The following SDCCAG8 variants were observed in gnomAD, a reference collection of about 807,000 sequenced individuals.
SDCCAG8 encodes serologically defined colon cancer antigen 8.
Under a neutral mutation model 101.8 loss-of-function variants are expected in SDCCAG8, and 74 were observed. The observed-to-expected ratio is 0.73, with a 90% CI of 0.60 to 0.88. The LOEUF is 0.88. Among genes scored for constraint, SDCCAG8 ranks in the 40% least tolerant of loss-of-function variants. The pLI is 0.00. For synonymous variants in SDCCAG8, 281 were observed against 292.9 expected (o/e 0.96, Z 0.41); for missense variants, 787 against 822.6 (o/e 0.96, Z 0.53).
intron 5 of SDCCAG8, among the ~76,000 whole-genome samples, chr1:243,290,004 CT>C (rs1191484708): frequency 6.6e-6 from 1 of 152,096 alleles, no homozygotes; most frequent in Non-Finnish European, 1.5e-5. Context: ...TTTTTCATCA[CT>C]TTGCCTTCTC....
At chr1:243,355,660 C>T (rs897019959) in intron 12 of SDCCAG8, among the ~76,000 whole-genome samples, 7 of 149,076 alleles carry the variant, frequency 4.7e-5, no homozygotes, top group Non-Finnish European at 9.1e-5. Flanking sequence ...GGCTGGAGTG[C>T]GGTGGCACAA....
chr1:243,322,574 G>C (rs545839736), intron 9 of SDCCAG8, among the ~76,000 whole-genome samples: 1 of 152,090 alleles, frequency 6.6e-6, no homozygotes, highest in African/African-American at 2.4e-5. Flanking sequence ...CTGGTGTTAC[G>C]GAATTTCTCC....
In SDCCAG8 at chr1:243,415,776, A is replaced by G. The variant is rs762947754; in HGVS notation, c.1691A>G (p.Glu564Gly). The G allele has an allele frequency of 1.2e-5, 19 of 1,613,704 alleles. No homozygotes were observed. Among genetic ancestry groups the G allele is most frequent in the Non-Finnish European group, 1.5e-5 (18 of 1,179,806 alleles). ...KAQALQAQQR[E>G]QELTQKIQQM... The stretch of plus-strand genomic sequence containing the variant: ...CAAGCCCTTCAGGCCCAGCAAAGAG[A>G]GCAGGAGCTGACACAGAAGATACAG... The change falls in exon 14 of 18, where the codon GAG becomes GGG. Residue 564 changes from glutamate (E) to glycine (G), a missense_variant. By Grantham distance (98) the Glu-to-Gly change is moderately conservative. Coordinates refer to ENST00000366541, the MANE Select transcript of SDCCAG8 (RefSeq NM_006642.5).
chr1:243,284,640 C>CT (rs1455945606), intron 4 of SDCCAG8, among the ~76,000 whole-genome samples: 1 of 152,106 alleles, frequency 6.6e-6, no homozygotes, highest in African/African-American at 2.4e-5. Flanking sequence ...CTGGATTTCT[C>CT]TTTTTTTAGG....
chr1:243,335,472 G>A (rs1424862724), intron 10 of SDCCAG8, among the ~76,000 whole-genome samples: 1 of 152,132 alleles, frequency 6.6e-6, no homozygotes, highest in African/African-American at 2.4e-5. Flanking sequence ...GAAGTATGTT[G>A]ATGAGAATTC....
intron 9 of SDCCAG8, among the ~76,000 whole-genome samples, chr1:243,327,341 A>G (rs182477456): frequency 1.8e-4 from 27 of 146,720 alleles, no homozygotes; most frequent in African/African-American, 6.6e-4. Flanking sequence ...TTATAATTTT[A>G]TAGAAATTAA....
intron 16 of SDCCAG8, among the ~76,000 whole-genome samples, chr1:243,435,956 C>T (rs2082100963): frequency 6.6e-6 from 1 of 152,124 alleles, no homozygotes; most frequent in South Asian, 2.1e-4. Context: ...ATACCCCATA[C>T]ATGCATAGCC....
intron 4 of SDCCAG8, 71 bp downstream of exon 4, chr1:243,274,727 T>A: frequency 2.1e-6 from 2 of 934,272 alleles, no homozygotes; most frequent in South Asian, 1.4e-5. Context: ...GTATTAAAAT[T>A]TGCTGCTATA....
At chr1:243,494,484 T>C in intron 17 of SDCCAG8, among the ~76,000 whole-genome samples, 1 of 152,216 alleles carries the variant, frequency 6.6e-6, no homozygotes, top group East Asian at 1.9e-4. Context: ...GTGCTGCATG[T>C]CTAACATAAG....
At chr1:243,256,493 C>T (rs1220001182) in intron 1 of SDCCAG8, among the ~76,000 whole-genome samples, 2 of 152,220 alleles carry the variant, frequency 1.3e-5, no homozygotes, top group Admixed American at 6.5e-5. Context: ...CTTTCTCAAC[C>T]GGCGACAGCA....
intron 1 of SDCCAG8, among the ~76,000 whole-genome samples, chr1:243,261,449 T>C (rs1043259887): frequency 1.3e-5 from 2 of 152,226 alleles, no homozygotes; most frequent in African/African-American, 4.8e-5. Flanking sequence ...GGATGGGCCT[T>C]GTCTTTACGA....
intron 13 of SDCCAG8, among the ~76,000 whole-genome samples, chr1:243,391,937 G>A (rs2147945617): frequency 6.7e-6 from 1 of 148,194 alleles, no homozygotes; most frequent in East Asian, 1.9e-4. Context: ...CTGAAGTGTG[G>A]CTCACCAGGC....
chr1:243,393,668 CT>C (rs548289224), intron 13 of SDCCAG8, among the ~76,000 whole-genome samples: 31 of 152,204 alleles, frequency 2.0e-4, no homozygotes, highest in African/African-American at 6.0e-4. Flanking sequence ...TTCTGGCAAT[CT>C]AATGTATACA....
intron 6 of SDCCAG8, among the ~76,000 whole-genome samples, chr1:243,298,272 A>C (rs905493771): frequency 6.6e-6 from 1 of 151,214 alleles, no homozygotes; most frequent in African/African-American, 2.4e-5. Context: ...ACTAGTCTCG[A>C]ACTCCTGACC....
chr1:243,270,344 C>A, intron 2 of SDCCAG8, 87 bp downstream of exon 2: 2 of 1,207,548 alleles, frequency 1.7e-6, no homozygotes, highest in Non-Finnish European at 2.4e-6. Context: ...ATTCTTCATT[C>A]TGCTGCTATG....
At chr1:243,482,349 AC>A (rs1663909285) in intron 16 of SDCCAG8, among the ~76,000 whole-genome samples, 1 of 152,032 alleles carries the variant, frequency 6.6e-6, no homozygotes, top group African/African-American at 2.4e-5. Context: ...TGGGCCCAGC[AC>A]TCTTATGAGT....
intron 13 of SDCCAG8, among the ~76,000 whole-genome samples, chr1:243,380,599 A>G (rs1455511010): frequency 6.6e-6 from 1 of 152,170 alleles, no homozygotes; most frequent in Non-Finnish European, 1.5e-5. Flanking sequence ...GCATATTAAG[A>G]TGCAGCAACT....
chr1:243,275,370 T>A (rs1238593213), intron 4 of SDCCAG8, among the ~76,000 whole-genome samples: 1 of 152,148 alleles, frequency 6.6e-6, no homozygotes, highest in African/African-American at 2.4e-5. Flanking sequence ...ATCACTGATA[T>A]CTCTTGTATC....
Position 243,403,300 on chromosome 1 carries a change from T to A in SDCCAG8, c.1617-12402T>A, listed in dbSNP as rs573556081. On this transcript the variant is annotated intron_variant, in intron 13 of 17. Coordinates refer to ENST00000366541, the MANE Select transcript of SDCCAG8 (RefSeq NM_006642.5). ...CTGGCCAATGCTACCTCCCCCTGTG[T>A]AGCTTATGTCAGGAAATTGAGGAAA... 3.6e-4 allele frequency among the ~76,000 whole-genome samples: 55 copies of A among 152,304 alleles called. 1 individual carries two copies. The highest frequency in any genetic ancestry group is 1.3e-3 in the African/African-American group (52 of 41,568).
Sources: gnomAD v4.1 joint callset for allele counts (sites outside exome capture counted in the v4.1 genomes callset) on GRCh38, gnomAD v4.1.1 for gene constraint, MANE v1.5 for transcripts, NCBI Gene and HGNC (gene_info 2026-07-23, HGNC 2026-07-21) for gene names.